MTREX: variants seen among roughly 807,000 people sequenced by gnomAD.
MTREX encodes the protein Mtr4 exosome RNA helicase.
In MTREX, 76 loss-of-function variants were observed where a neutral mutation model predicts 135.4. The observed-to-expected ratio is 0.56, with a 90% CI of 0.47 to 0.68. The LOEUF (loss-of-function observed/expected upper bound fraction) is 0.68. Ranked by LOEUF, MTREX falls within the 30% of genes least tolerant of loss-of-function variation. The probability of loss-of-function intolerance (pLI) is 0.00; values close to 1 mark genes in which losing one functional copy is unlikely to be tolerated. For missense variants in MTREX, 920 were observed against 1,262.1 expected, an observed-to-expected ratio of 0.73 and a Z score of 4.11; for synonymous variants, 404 against 401.6, an observed-to-expected ratio of 1.01 and a Z score of -0.07.
At chr5:55,364,780 A>T (rs1315488099) in intron 15 of MTREX, among the ~76,000 whole-genome samples, 2 of 152,034 alleles carry the variant, frequency 1.3e-5, no homozygotes, top group African/African-American at 4.8e-5. Context: ...GCAATAATTG[A>T]TTAAAAAGGG....
Position 55,343,378 on chromosome 5 carries a change from G to A in MTREX, c.829G>A (p.Val277Ile), listed in dbSNP as rs1256192390. Reference protein sequence around the residue: ...EETIILLPDNVHYVFLSATIP... With the variant: ...EETIILLPDNIHYVFLSATIP... ...AACTATTATTTTGCTTCCTGATAAC[G>A]TCCACTATGTCTTTCTTTCGGCTAC... The change falls in exon 8 of 27, where the codon GTC becomes ATC. Residue 277 changes from valine to isoleucine, a missense_variant. Val to Ile is a conservative substitution (Grantham distance 29). Transcript: ENST00000230640. The A allele has an allele frequency of 3.1e-6, 5 of 1,612,442 alleles. No homozygotes were observed. Among genetic ancestry groups the A allele is most frequent in the Admixed American group, 3.3e-5 (2 of 59,908 alleles).
At chr5:55,406,466 T>C (rs1750809617) in intron 22 of MTREX, among the ~76,000 whole-genome samples, 1 of 152,346 alleles carries the variant, frequency 6.6e-6, no homozygotes, top group South Asian at 2.1e-4. Context: ...AGTGTGAGTC[T>C]TCTAGCTGGC....
intron 23 of MTREX, among the ~76,000 whole-genome samples, chr5:55,412,562 A>G (rs1309771293): frequency 6.6e-6 from 1 of 152,226 alleles, no homozygotes; most frequent in Non-Finnish European, 1.5e-5. Context: ...AAAAGTGAGA[A>G]GAATCAAAGA....
chr5:55,343,815 A>G (rs1579859758), intron 8 of MTREX, among the ~76,000 whole-genome samples: 2 of 152,306 alleles, frequency 1.3e-5, no homozygotes, highest in African/African-American at 4.8e-5. Flanking sequence ...CCTTGGTGCC[A>G]GGAAAAGCTG....
intron 18 of MTREX, among the ~76,000 whole-genome samples, chr5:55,382,834 A>AT (rs1359429099): frequency 1.3e-5 from 2 of 152,134 alleles, no homozygotes; most frequent in Non-Finnish European, 2.9e-5. Flanking sequence ...GTGTTTCACC[A>AT]TGTTGGCCAG....
intron 8 of MTREX, 121 bp downstream of exon 8, chr5:55,343,576 G>T (rs1475172161): frequency 2.5e-6 from 2 of 809,574 alleles, no homozygotes; most frequent in Admixed American, 3.1e-5. Context: ...CATTTTAATG[G>T]TAAACTGCTT....
At chr5:55,418,763 TTC>T (rs1751010797) in intron 25 of MTREX, among the ~76,000 whole-genome samples, 1 of 152,160 alleles carries the variant, frequency 6.6e-6, no homozygotes, top group African/African-American at 2.4e-5. Flanking sequence ...AGGATAGTAT[TTC>T]TCTCTTTTGT....
In MTREX at chr5:55,378,335, A is replaced by G. The variant is rs192711062; in HGVS notation, c.1832A>G (p.Gln611Arg). ...ACAGAGGTAAAGAATTCAGAAGAAC[A>G]GTATAATAAAATAGTAATTCCCAAT... ...VVEKVKNSEE[Q>R]YNKIVIPNEE... The change falls in exon 17 of 27, where the codon CAG becomes CGG. Residue 611 changes from glutamine to arginine, a missense_variant. Coordinates refer to ENST00000230640, the MANE Select transcript of MTREX (RefSeq NM_015360.5). 1.2e-6 allele frequency: 2 copies of G among 1,601,202 alleles called. No homozygotes were observed. The highest frequency in any genetic ancestry group is 2.3e-5 in the East Asian group (1 of 44,444).
chr5:55,320,539 TAAAGA>T (rs1554030123), intron 1 of MTREX, among the ~76,000 whole-genome samples: 2 of 152,124 alleles, frequency 1.3e-5, no homozygotes, highest in Non-Finnish European at 2.9e-5. Context: ...AAATAAAACA[TAAAGA>T]AAAGTGTGCA....
At position 55,316,982 on chromosome 5, in the gene MTREX, G is replaced by A. The variant is rs113633216; in HGVS notation, c.135-5345G>A. 6.1e-3 allele frequency among the ~76,000 whole-genome samples: 927 copies of A among 152,158 alleles called. 8 individuals are homozygous for A. Among genetic ancestry groups the A allele is most frequent in the African/African-American group, 0.022 (894 of 41,510 alleles). On this transcript the variant is annotated intron_variant, in intron 1 of 26. Transcript: ENST00000230640. ...AGGCTAGCATTCTTATACACCAACA[G>A]TAGCCAGACTGAGAGCCAGATAAGA...
intron 12 of MTREX, 55 bp downstream of exon 12, chr5:55,349,707 T>A (rs572153491): frequency 1.1e-5 from 10 of 929,068 alleles, no homozygotes; most frequent in South Asian, 6.9e-5. Flanking sequence ...TTGCATATAT[T>A]CACTTTACAT....
chr5:55,322,089 A>T (rs994744457), intron 1 of MTREX, among the ~76,000 whole-genome samples: 1 of 152,218 alleles, frequency 6.6e-6, no homozygotes, highest in Non-Finnish European at 1.5e-5. Flanking sequence ...AGTTATGTTA[A>T]TGTGAATTTT....
intron 5 of MTREX, among the ~76,000 whole-genome samples, chr5:55,330,289 T>A (rs1003094091): frequency 2.0e-5 from 3 of 152,038 alleles, no homozygotes; most frequent in Non-Finnish European, 2.9e-5. Flanking sequence ...TTGCCTACAC[T>A]GGTCTCAAAC....
chr5:55,387,823 C>G (rs1363959877), intron 18 of MTREX, 151 bp from the exon 19 acceptor site: 2 of 492,272 alleles, frequency 4.1e-6, no homozygotes, highest in African/African-American at 2.0e-5. Flanking sequence ...TCCAGAGAGA[C>G]AGTTTTCATT....
At chr5:55,323,187 C>T (rs1749316273) in intron 2 of MTREX, among the ~76,000 whole-genome samples, 2 of 151,948 alleles carry the variant, frequency 1.3e-5, no homozygotes, top group Admixed American at 6.6e-5. Flanking sequence ...CACCATTTTC[C>T]CAGGCTACTA....
intron 15 of MTREX, among the ~76,000 whole-genome samples, chr5:55,364,745 C>A (rs1203378169): frequency 1.3e-5 from 2 of 152,004 alleles, no homozygotes; most frequent in African/African-American, 4.8e-5. Flanking sequence ...AAGGACTAAT[C>A]TAAGACAAAT....
rs1369581907 is a variant in MTREX at position 55,338,791 on chromosome 5, T to TTC, written c.516-1218_516-1217insCT. ...AATCTGTAGACTTTCTTTTTCTTTT[T>TTC]TTTTTTTTTTTTTTTTTGAGACACA... is the stretch of plus-strand genomic sequence containing the variant. On this transcript the variant is annotated intron_variant, in intron 5 of 26. Transcript: ENST00000230640. 1.0e-3 allele frequency among the ~76,000 whole-genome samples: 143 copies of TTC among 138,028 alleles called. 1 individual carries two copies. The highest frequency in any genetic ancestry group is 4.0e-3 in the Admixed American group (56 of 14,012). The allele number at this position is 138,028 out of a possible 152,430, so 90.6% of individuals were successfully genotyped here. A position where few individuals can be genotyped will look rare whatever the true frequency, so the allele number is the denominator to read the frequency against.
intron 19 of MTREX, among the ~76,000 whole-genome samples, chr5:55,388,807 C>T (rs944115968): frequency 2.0e-5 from 3 of 152,102 alleles, no homozygotes; most frequent in Non-Finnish European, 4.4e-5. Context: ...ACCCAAGTTT[C>T]CTTAGTTAAA....
chr5:55,401,024 C>T (rs1020549910), intron 21 of MTREX, among the ~76,000 whole-genome samples: 5 of 151,900 alleles, frequency 3.3e-5, no homozygotes, highest in Admixed American at 6.6e-5. Flanking sequence ...TGTGTGTGTG[C>T]GTGCGTCCGT....
Sources: allele counts gnomAD v4.1 joint callset (sites outside exome capture counted in the v4.1 genomes callset), GRCh38; gene constraint gnomAD v4.1.1; transcripts MANE v1.5; gene names NCBI Gene and HGNC (gene_info 2026-07-23, HGNC 2026-07-21).